Variants in TNKS observed in about 807,000 individuals in gnomAD.
The protein encoded by TNKS is poly [ADP-ribose] polymerase tankyrase-1.
Under a neutral mutation model 135.8 loss-of-function variants are expected in TNKS, and 72 were observed. The ratio of observed to expected loss-of-function variants is 0.53; its 90% CI spans 0.44 to 0.64. The LOEUF (loss-of-function observed/expected upper bound fraction) is 0.64, where lower values mean the gene tolerates loss of function less well. TNKS is among the 30% of genes least tolerant of loss of function. The probability of loss-of-function intolerance (pLI) is 0.00; values close to 1 mark genes in which losing one functional copy is unlikely to be tolerated. For missense variants in TNKS, 1,769 were observed against 1,674.0 expected (o/e 1.06, Z -0.99); for synonymous variants, 849 against 649.3 (o/e 1.31, Z -4.68).
chr8:9,653,347 G>T (rs1303795427), intron 3 of TNKS, among the ~76,000 whole-genome samples: 1 of 151,982 alleles, frequency 6.6e-6, no homozygotes, highest in African/African-American at 2.4e-5. Flanking sequence ...GTAAAACATT[G>T]TCTTATTCTG....
intron 2 of TNKS, among the ~76,000 whole-genome samples, chr8:9,584,989 C>CA (rs1369631441): frequency 2.6e-5 from 4 of 152,116 alleles, no homozygotes; most frequent in African/African-American, 9.7e-5. Flanking sequence ...CAGCCCATCT[C>CA]AGCCAGAAGG....
chr8:9,561,811 C>T (rs972679627), intron 1 of TNKS, among the ~76,000 whole-genome samples: 1 of 152,064 alleles, frequency 6.6e-6, no homozygotes, highest in African/African-American at 2.4e-5. Context: ...ATTTTACATT[C>T]CCATCAACGA....
intron 2 of TNKS, among the ~76,000 whole-genome samples, chr8:9,610,280 A>C (rs1040432377): frequency 2.1e-5 from 3 of 146,024 alleles, no homozygotes; most frequent in Non-Finnish European, 3.0e-5. Flanking sequence ...AAGATAAAAG[A>C]GTTTTTAAAA....
chr8:9,635,983 G>C (rs189709185), intron 3 of TNKS, among the ~76,000 whole-genome samples: 7 of 152,300 alleles, frequency 4.6e-5, no homozygotes, highest in Admixed American at 1.3e-4. Context: ...TAGATGAAAA[G>C]TATTGTACCA....
chr8:9,772,376 C>A (rs1168781390), intron 26 of TNKS: 4 of 455,484 alleles, frequency 8.8e-6, no homozygotes, highest in South Asian at 4.6e-5. Flanking sequence ...TAGGTGGATA[C>A]TCTAAAGGCA....
At chr8:9,675,115 C>T (rs1802481006) in intron 3 of TNKS, among the ~76,000 whole-genome samples, 1 of 152,146 alleles carries the variant, frequency 6.6e-6, no homozygotes, top group Admixed American at 6.5e-5. Context: ...GAGAGGAAGA[C>T]CTAACTCTAA....
intron 2 of TNKS, among the ~76,000 whole-genome samples, chr8:9,593,505 A>C (rs193007037): frequency 6.6e-6 from 1 of 152,314 alleles, no homozygotes; most frequent in Non-Finnish European, 1.5e-5. Flanking sequence ...TTAGCTTTTA[A>C]AACCGTATCA....
At chr8:9,657,572 C>A (rs1801453695) in intron 3 of TNKS, among the ~76,000 whole-genome samples, 1 of 85,440 alleles carries the variant, frequency 1.2e-5, no homozygotes, top group African/African-American at 4.6e-5. Context: ...CCCCTCACCT[C>A]CCAGACGGGG....
chr8:9,637,093 T>C (rs1370925682), intron 3 of TNKS, among the ~76,000 whole-genome samples: 4 of 152,318 alleles, frequency 2.6e-5, no homozygotes, highest in Admixed American at 6.5e-5. Flanking sequence ...TGAATGAAAG[T>C]GGAAACTGCA....
chr8:9,703,489 A>G (rs1334956174), intron 5 of TNKS, among the ~76,000 whole-genome samples: 2 of 152,210 alleles, frequency 1.3e-5, no homozygotes, highest in Non-Finnish European at 2.9e-5. Flanking sequence ...GGGTTGCATA[A>G]TAAGTTCCAG....
In TNKS at chr8:9,560,493, C is replaced by CTT. The variant is rs535715245; in HGVS notation, c.673+3910_673+3911dup. On this transcript the variant is annotated intron_variant, in intron 1 of 26. Transcript: ENST00000310430. Reference sequence around the variant, plus strand: ...GATTTTTCAGCATGGCCATACTTGTCTTTTTTTTTTTTTTTTTTTTTTTTT... The same window carrying CTT: ...GATTTTTCAGCATGGCCATACTTGTCTTTTTTTTTTTTTTTTTTTTTTTTTTT... Among the ~76,000 whole-genome samples the CTT allele has an allele frequency of 3.5e-4, 15 of 42,308 alleles. 1 individual carries two copies. The highest frequency in any genetic ancestry group is 1.1e-3 in the African/African-American group (9 of 8,314). The allele number at this position is 42,308 out of a possible 152,430, so 27.8% of individuals were successfully genotyped here. A position where few individuals can be genotyped will look rare whatever the true frequency, so the allele number is the denominator to read the frequency against.
At chr8:9,672,015 C>T (rs1312780728) in intron 3 of TNKS, among the ~76,000 whole-genome samples, 5 of 152,188 alleles carry the variant, frequency 3.3e-5, no homozygotes, top group East Asian at 1.9e-4. Flanking sequence ...ACTCTCTGCC[C>T]GTTAGGCACT....
At chr8:9,732,455 T>C (rs1805492240) in intron 14 of TNKS, among the ~76,000 whole-genome samples, 1 of 152,170 alleles carries the variant, frequency 6.6e-6, no homozygotes. Context: ...CCATTATGTA[T>C]TTATTTATCT....
At chr8:9,604,269 C>G (rs868070588) in intron 2 of TNKS, among the ~76,000 whole-genome samples, 1 of 152,016 alleles carries the variant, frequency 6.6e-6, no homozygotes, top group African/African-American at 2.4e-5. Flanking sequence ...TGTACATATA[C>G]TACTGTATGT....
chr8:9,763,868 C>G (rs762751892), intron 22 of TNKS, among the ~76,000 whole-genome samples: 1 of 152,088 alleles, frequency 6.6e-6, no homozygotes, highest in Non-Finnish European at 1.5e-5. Context: ...CATACCTAGG[C>G]AGAAAAAGGT....
chr8:9,763,098 C>T (rs1403241602), intron 21 of TNKS, 49 bp from the exon 22 acceptor site: 2 of 738,440 alleles, frequency 2.7e-6, no homozygotes, highest in African/African-American at 1.9e-5. Context: ...AAAATAGAGC[C>T]TGAGTAGTGT....
At chr8:9,664,444 A>G (rs1030896913) in intron 3 of TNKS, among the ~76,000 whole-genome samples, 1 of 152,208 alleles carries the variant, frequency 6.6e-6, no homozygotes, top group African/African-American at 2.4e-5. Context: ...GACACCTCTT[A>G]CTAGGTCCCA....
intron 2 of TNKS, among the ~76,000 whole-genome samples, chr8:9,585,632 G>A (rs1468034949): frequency 1.3e-5 from 2 of 152,206 alleles, no homozygotes; most frequent in Non-Finnish European, 2.9e-5. Flanking sequence ...GGATTAAGTT[G>A]TAATTTCCTT....
intron 5 of TNKS, 61 bp downstream of exon 5, chr8:9,680,861 C>T (rs772738935): frequency 8.9e-6 from 11 of 1,236,592 alleles, no homozygotes; most frequent in Non-Finnish European, 1.3e-5. Context: ...GTGAATGTGG[C>T]ATATATATAT....
Sources: allele counts gnomAD v4.1 joint callset (sites outside exome capture counted in the v4.1 genomes callset), GRCh38; gene constraint gnomAD v4.1.1; transcripts MANE v1.5; gene names NCBI Gene and HGNC (gene_info 2026-07-23, HGNC 2026-07-21).